Variants in SYNPR observed in about 807,000 individuals in gnomAD.
The protein encoded by SYNPR is synaptoporin.
Under a neutral mutation model 32.9 loss-of-function variants are expected in SYNPR, and 23 were observed. The observed-to-expected ratio is 0.70, with a 90% CI of 0.50 to 0.99. The LOEUF (loss-of-function observed/expected upper bound fraction) is 0.99. Among genes scored for constraint, SYNPR ranks in the 50% least tolerant of loss-of-function variants. The pLI is 0.00. For missense variants in SYNPR, 318 were observed against 349.3 expected (o/e 0.91, Z 0.71); for synonymous variants, 146 against 135.9 (o/e 1.07, Z -0.52).
chr3:63,203,064 A>ACG, the SYNPR span, among the ~76,000 whole-genome samples: 49 of 43,008 alleles, frequency 1.1e-3, 2 homozygotes, highest in Admixed American at 1.4e-3. Context: ...ATATATATGT[A>ACG]TGTGTATATA....
intron 2 of SYNPR, among the ~76,000 whole-genome samples, chr3:63,380,448 G>A (rs1026538520): frequency 3.3e-5 from 5 of 151,926 alleles, no homozygotes; most frequent in African/African-American, 1.2e-4. Flanking sequence ...GTGATGATGA[G>A]CATTTTTTCA....
At chr3:63,364,693 A>C (rs752821822) in intron 2 of SYNPR, among the ~76,000 whole-genome samples, 1 of 152,144 alleles carries the variant, frequency 6.6e-6, no homozygotes, top group Non-Finnish European at 1.5e-5. Flanking sequence ...GCCACCAACT[A>C]CTTGTATTAT....
intron 2 of SYNPR, among the ~76,000 whole-genome samples, chr3:63,370,000 T>C (rs1191683204): frequency 6.6e-6 from 1 of 152,124 alleles, no homozygotes; most frequent in African/African-American, 2.4e-5. Context: ...CCATTTTGAG[T>C]TACTTCATTT....
intron 2 of SYNPR, among the ~76,000 whole-genome samples, chr3:63,473,277 C>A (rs1559509476): frequency 6.6e-6 from 1 of 152,194 alleles, no homozygotes; most frequent in Non-Finnish European, 1.5e-5. Flanking sequence ...ATTCCCCTAA[C>A]GTGCTCCAAT....
At chr3:63,475,167 T>G (rs901399910) in intron 2 of SYNPR, among the ~76,000 whole-genome samples, 1 of 152,156 alleles carries the variant, frequency 6.6e-6, no homozygotes, top group Non-Finnish European at 1.5e-5. Flanking sequence ...TCCACCTAAA[T>G]GCATTTCTAA....
chr3:63,601,687 T>C (rs2106893019), intron 4 of SYNPR, among the ~76,000 whole-genome samples: 1 of 152,342 alleles, frequency 6.6e-6, no homozygotes, highest in East Asian at 1.9e-4. Context: ...CTCATTCTTT[T>C]TTTATGGCTG....
chr3:63,371,217 G>A (rs2087808087), intron 2 of SYNPR, among the ~76,000 whole-genome samples: 3 of 151,856 alleles, frequency 2.0e-5, no homozygotes. Flanking sequence ...CTGGGCTCAG[G>A]AGATCCCCCT....
chr3:63,534,780 G>T (rs1348800606), intron 3 of SYNPR, among the ~76,000 whole-genome samples: 1 of 152,096 alleles, frequency 6.6e-6, no homozygotes, highest in African/African-American at 2.4e-5. Context: ...TGGTGACAGA[G>T]GATGCAAAAG....
intron 2 of SYNPR, among the ~76,000 whole-genome samples, chr3:63,442,069 A>G (rs1342876878): frequency 2.0e-5 from 3 of 151,668 alleles, no homozygotes; most frequent in Non-Finnish European, 2.9e-5. Context: ...TGGTCCCCCA[A>G]CCTCCCCCTA....
chr3:63,443,333 A>G (rs1419610815), intron 2 of SYNPR: 3 of 1,521,380 alleles, frequency 2.0e-6, no homozygotes, highest in Non-Finnish European at 2.7e-6. Context: ...CCTTTGCTTC[A>G]TAAAAAGAGG....
intron 2 of SYNPR, among the ~76,000 whole-genome samples, chr3:63,411,412 T>C (rs1310904710): frequency 6.6e-6 from 1 of 152,160 alleles, no homozygotes; most frequent in African/African-American, 2.4e-5. Context: ...GATATAATAA[T>C]GGGTAAGTCA....
At position 63,591,252 on chromosome 3, in the gene SYNPR, A is replaced by G. The variant is rs1024611881; in HGVS notation, c.409-17873A>G. Among the ~76,000 whole-genome samples, 6 of 129,034 alleles carry G rather than the reference A, an allele frequency of 4.6e-5. 1 individual carries two copies. Among genetic ancestry groups the G allele is most frequent in the Non-Finnish European group, 8.2e-5 (5 of 60,980 alleles). The allele number at this position is 129,034 out of a possible 152,430, so 84.7% of individuals were successfully genotyped here. On this transcript the variant is annotated intron_variant, in intron 4 of 5. Coordinates refer to ENST00000478300, the MANE Select transcript of SYNPR (RefSeq NM_001130003.2). ...CAGAGAAATGCAAATCAAAACCACTATGAGATATCATCTCACACCAGTTAG... is the reference window on the plus strand; with the variant it reads ...CAGAGAAATGCAAATCAAAACCACTGTGAGATATCATCTCACACCAGTTAG...
chr3:63,417,695 G>C (rs2088559771), intron 2 of SYNPR, among the ~76,000 whole-genome samples: 1 of 152,236 alleles, frequency 6.6e-6, no homozygotes, highest in Non-Finnish European at 1.5e-5. Flanking sequence ...TGCACTGGCA[G>C]GCTCAACCCC....
chr3:63,446,281 T>G (rs1472537598), intron 2 of SYNPR, among the ~76,000 whole-genome samples: 3 of 71,990 alleles, frequency 4.2e-5, no homozygotes, highest in South Asian at 9.8e-4. Flanking sequence ...TCCCACCATG[T>G]TTTTTTTTTT....
In SYNPR at chr3:63,554,692, G is replaced by C. The variant is rs540700700; in HGVS notation, c.210-1851G>C. ...GCTTAAGACTGTTTTGGCTATTCAG[G>C]CTCTTTTTTTGGGTTCCATATGAAT... On this transcript the variant is annotated intron_variant, in intron 3 of 5. Transcript: ENST00000478300. 5.3e-5 allele frequency among the ~76,000 whole-genome samples: 8 copies of C among 151,682 alleles called. No homozygotes were observed. In the East Asian group the frequency reaches 7.7e-4, roughly 15 times the overall value.
rs1700269958 is a variant in SYNPR at position 63,615,730 on chromosome 3, C to T, written c.*249C>T. ...GAGTACCTTGTTATATATACAGATA[C>T]TTTCATGGTCATTTTGTATGTATGT... is the stretch of plus-strand genomic sequence containing the variant. On this transcript the variant is annotated 3_prime_UTR_variant, in exon 6 of 6. Transcript: ENST00000478300. 2 of 392,734 alleles carry T rather than the reference C, an allele frequency of 5.1e-6. No homozygotes were observed. The highest frequency in any genetic ancestry group is 8.4e-5 in the East Asian group (2 of 23,794). The allele number at this position is 392,734 out of a possible 1,614,324, so 24.3% of individuals were successfully genotyped here. A position where few individuals can be genotyped will look rare whatever the true frequency, so the allele number is the denominator to read the frequency against.
intron 2 of SYNPR, among the ~76,000 whole-genome samples, chr3:63,296,516 C>T (rs2086792780): frequency 6.6e-6 from 1 of 152,138 alleles, no homozygotes; most frequent in African/African-American, 2.4e-5. Flanking sequence ...TTAACCTTAG[C>T]TTGGTTTTTG....
At chr3:63,223,474 T>A (rs1044369889), upstream of SYNPR, among the ~76,000 whole-genome samples, 16 of 152,070 alleles carry the variant, frequency 1.1e-4, no homozygotes, top group Middle Eastern at 6.8e-3. Context: ...GAGACGGGCT[T>A]GGTACCAGCT....
chr3:63,219,268 G>A, the SYNPR span, among the ~76,000 whole-genome samples: 7 of 152,176 alleles, frequency 4.6e-5, no homozygotes, highest in African/African-American at 9.7e-5. Flanking sequence ...GTAAGTCTGC[G>A]AGCAGGAAAA....
Sources: gnomAD v4.1 joint callset for allele counts (sites outside exome capture counted in the v4.1 genomes callset) on GRCh38, gnomAD v4.1.1 for gene constraint, MANE v1.5 for transcripts, NCBI Gene and HGNC (gene_info 2026-07-23, HGNC 2026-07-21) for gene names.